Variants in CCDC61 observed in about 807,000 individuals in gnomAD.
CCDC61 encodes the protein centrosomal protein CCDC61.
A neutral mutation model predicts 63.0 loss-of-function variants in CCDC61; 55 were observed. That is an observed-to-expected ratio of 0.87 (90% confidence interval 0.70 to 1.09). The LOEUF is 1.09. Among genes scored for constraint, CCDC61 ranks in the 50% least tolerant of loss-of-function variants. The pLI is 0.00. For missense variants in CCDC61, 651 were observed against 731.4 expected (o/e 0.89, Z 1.27); for synonymous variants, 270 against 317.0 (o/e 0.85, Z 1.58).
At chr19:46,003,598 C>T in intron 3 of CCDC61, 97 bp downstream of exon 3, 1 of 750,620 alleles carries the variant, frequency 1.3e-6, no homozygotes, top group Middle Eastern at 3.8e-4. Flanking sequence ...GACCCTCTAC[C>T]TTCTCTTTCA....
chr19:46,004,203 G>A (rs999707973), intron 3 of CCDC61, among the ~76,000 whole-genome samples: 2 of 152,116 alleles, frequency 1.3e-5, no homozygotes, highest in African/African-American at 4.8e-5. Flanking sequence ...GCCTCCCAGA[G>A]TGCTGGGATT....
chr19:46,004,703 A>G (rs1328576516), intron 3 of CCDC61, among the ~76,000 whole-genome samples: 2 of 151,944 alleles, frequency 1.3e-5, no homozygotes, highest in Non-Finnish European at 1.5e-5. Context: ...GATCTCAAGT[A>G]ATCCTCCTGC....
chr19:46,016,608 C>T lies in CCDC61; in HGVS notation c.1092-86C>T, dbSNP rs1968941746. ...GCCTGTCACCTCAGGCTTTCGCTGG[C>T]GTGGCTGTGACCTTTAGGGGCGCAG... On this transcript the variant is annotated intron_variant, in intron 9 of 13. Transcript: ENST00000595358. The surrounding 1 kb of genome is among the most constrained non-coding windows in gnomAD (Gnocchi z 7.2). The T allele has an allele frequency of 1.3e-6, 2 of 1,557,880 alleles. No homozygotes were observed. The highest frequency in any genetic ancestry group is 1.9e-5 in the Admixed American group (1 of 52,060).
chr19:46,010,493 T>C (rs1968807957), intron 5 of CCDC61, among the ~76,000 whole-genome samples: 1 of 151,500 alleles, frequency 6.6e-6, no homozygotes, highest in African/African-American at 2.4e-5. Flanking sequence ...ATGAGTGGAG[T>C]CGTTCTTGCC....
At chr19:46,012,827 G>T (rs1288720531) in intron 5 of CCDC61, among the ~76,000 whole-genome samples, 1 of 150,958 alleles carries the variant, frequency 6.6e-6, no homozygotes. Flanking sequence ...TAGTTTAGTT[G>T]TATCTCTTTT....
At chr19:45,999,282 G>T (rs916103174) in intron 1 of CCDC61, among the ~76,000 whole-genome samples, 1 of 152,062 alleles carries the variant, frequency 6.6e-6, no homozygotes, top group Admixed American at 6.6e-5. Flanking sequence ...TACAGTCTAT[G>T]GGGACAATGT....
chr19:45,997,001 C>T (rs563200122), intron 1 of CCDC61, among the ~76,000 whole-genome samples: 1 of 152,192 alleles, frequency 6.6e-6, no homozygotes, highest in Non-Finnish European at 1.5e-5. Flanking sequence ...ACCATATCCA[C>T]GAGGCCCCAA....
intron 5 of CCDC61, among the ~76,000 whole-genome samples, chr19:46,011,299 C>T (rs1257656975): frequency 6.6e-6 from 1 of 152,144 alleles, no homozygotes; most frequent in Non-Finnish European, 1.5e-5. Context: ...ATCCACCTGC[C>T]TTGGCCCCCC....
Position 46,015,269 on chromosome 19 carries a change from G to T in CCDC61, c.762+10G>T. Reference sequence around the variant, plus strand: ...CCGTCTGGCCAAGGAGGTGAGCAGCGGGGGCCCGGGGCGGCCAGCGAGGCG... The same window carrying T: ...CCGTCTGGCCAAGGAGGTGAGCAGCTGGGGCCCGGGGCGGCCAGCGAGGCG... On this transcript the variant is annotated intron_variant, in intron 6 of 13. Transcript: ENST00000595358. This position sits in a 1 kb window ranked among gnomAD's most constrained non-coding sequence, Gnocchi z 5.3. 3 of 1,514,704 alleles carry T rather than the reference G, an allele frequency of 2.0e-6. No individual in the cohort carries two copies. Among genetic ancestry groups the T allele is most frequent in the Non-Finnish European group, 2.6e-6 (3 of 1,140,660 alleles). 93.8% of individuals were successfully genotyped at this position (1,514,704 alleles called of 1,614,324 possible). A position where few individuals can be genotyped will look rare whatever the true frequency, so the allele number is the denominator to read the frequency against.
chr19:46,006,342 G>C (rs746217585), intron 3 of CCDC61, among the ~76,000 whole-genome samples: 3 of 152,258 alleles, frequency 2.0e-5, no homozygotes, highest in South Asian at 2.1e-4. Context: ...GGTCTAAGCT[G>C]TTCTCTCTGG....
chr19:46,000,114 C>G, intron 1 of CCDC61: 1 of 958,252 alleles, frequency 1.0e-6, no homozygotes, highest in East Asian at 1.2e-4. Context: ...CCGGGGAATC[C>G]TAGAAGTGGC....
At chr19:45,997,403 T>C (rs1306781447) in intron 1 of CCDC61, among the ~76,000 whole-genome samples, 1 of 152,154 alleles carries the variant, frequency 6.6e-6, no homozygotes, top group Non-Finnish European at 1.5e-5. Context: ...TTATTATTAT[T>C]TTTTTTGAGA....
At chr19:45,998,141 G>A (rs958528993) in intron 1 of CCDC61, among the ~76,000 whole-genome samples, 2 of 152,206 alleles carry the variant, frequency 1.3e-5, no homozygotes, top group African/African-American at 4.8e-5. Context: ...CACCCTTTGG[G>A]GTCTCCCTGT....
chr19:46,008,373 G>T, intron 5 of CCDC61, 72 bp downstream of exon 5: 2 of 1,143,062 alleles, frequency 1.7e-6, no homozygotes, highest in Non-Finnish European at 1.2e-6. Context: ...GCCCATGCTC[G>T]GTCCTGTGGG....
At position 46,015,122 on chromosome 19, in the gene CCDC61, G is replaced by C; in HGVS notation, c.625G>C (p.Gly209Arg). Reference sequence around the variant, plus strand: ...CCGATCGCGCGAGGAGGCGCTGGCCGGGCGCGCGGCACGCCAGGAGGCCGA... The same window carrying C: ...CCGATCGCGCGAGGAGGCGCTGGCCCGGCGCGCGGCACGCCAGGAGGCCGA... Reference protein sequence around the residue: ...LGRSREEALAGRAARQEAEAL... With the variant: ...LGRSREEALARRAARQEAEAL... Residue 209 changes from glycine (G) to arginine (R), a missense_variant, in exon 6 of 14, where the codon GGG (glycine) becomes CGG (arginine). Transcript: ENST00000595358. This position sits in a 1 kb window ranked among gnomAD's most constrained non-coding sequence, Gnocchi z 5.3. 4 of 1,301,740 alleles carry C rather than the reference G, an allele frequency of 3.1e-6. No homozygotes were observed. The East Asian group carries it at 9.4e-5, about 31-fold the overall frequency. 80.6% of individuals were successfully genotyped at this position (1,301,740 alleles called of 1,614,324 possible).
At chr19:46,017,737 G>C (rs1462439635) in intron 12 of CCDC61, among the ~76,000 whole-genome samples, 1 of 152,158 alleles carries the variant, frequency 6.6e-6, no homozygotes, top group Non-Finnish European at 1.5e-5. Flanking sequence ...AAGGAATAAT[G>C]AGGGGCACGT....
chr19:46,008,348 A>G lies in CCDC61; in HGVS notation c.551+47A>G, dbSNP rs778933333. The G allele has an allele frequency of 6.4e-6, 6 of 938,870 alleles. No homozygotes were observed. In the Admixed American group the frequency reaches 1.2e-4, roughly 19 times the overall value. The allele number at this position is 938,870 out of a possible 1,614,324, so 58.2% of individuals were successfully genotyped here. Reference sequence around the variant, plus strand: ...AGCTGGGGCGGGTGGGGGCCCTCCCATCATGCACCGCGGGGCCCATGCTCG... The same window carrying G: ...AGCTGGGGCGGGTGGGGGCCCTCCCGTCATGCACCGCGGGGCCCATGCTCG... On this transcript the variant is annotated intron_variant, in intron 5 of 13. Transcript: ENST00000595358.
intron 2 of CCDC61, 44 bp downstream of exon 2, chr19:46,003,210 G>T (rs1202778479): frequency 6.4e-7 from 1 of 1,564,200 alleles, no homozygotes; most frequent in African/African-American, 1.4e-5. Flanking sequence ...CCTCTCCTGG[G>T]ATCAGCTTCT....
Position 46,018,020 on chromosome 19 carries a change from G to C in CCDC61, c.1369-58G>C. 6.9e-7 allele frequency: 1 copy of C among 1,458,810 alleles called. No individual in the cohort carries two copies. The allele number at this position is 1,458,810 out of a possible 1,614,324, so 90.4% of individuals were successfully genotyped here. ...GGCTCAGGATTTCCAGTGGGATTTAGGGGGACAGAAATAGAGGGACGGTGG... is the reference window on the plus strand; with the variant it reads ...GGCTCAGGATTTCCAGTGGGATTTACGGGGACAGAAATAGAGGGACGGTGG... On this transcript the variant is annotated intron_variant, in intron 12 of 13. Coordinates refer to ENST00000595358, the MANE Select transcript of CCDC61 (RefSeq NM_001267723.2). The surrounding 1 kb of genome is among the most constrained non-coding windows in gnomAD (Gnocchi z 4.2).
Sources: allele counts gnomAD v4.1 joint callset (sites outside exome capture counted in the v4.1 genomes callset), GRCh38; gene constraint gnomAD v4.1.1; non-coding constraint Gnocchi (gnomAD v3.1); transcripts MANE v1.5; gene names NCBI Gene and HGNC (gene_info 2026-07-23, HGNC 2026-07-21).